NCAM2: variants seen among roughly 807,000 people sequenced by gnomAD.
NCAM2 encodes the protein neural cell adhesion molecule 2.
Under a neutral mutation model 98.1 loss-of-function variants are expected in NCAM2, and 30 were observed. That is an observed-to-expected ratio of 0.31 (90% CI 0.23 to 0.41). The LOEUF is 0.41. Ranked by LOEUF, NCAM2 falls within the 10% of genes least tolerant of loss-of-function variation. The probability of loss-of-function intolerance (pLI) is 1.00; values close to 1 mark genes in which losing one functional copy is unlikely to be tolerated. For missense variants in NCAM2, 867 were observed against 1,005.8 expected, an observed-to-expected ratio of 0.86 and a Z score of 1.87; for synonymous variants, 368 against 342.4, an observed-to-expected ratio of 1.07 and a Z score of -0.83.
At chr21:21,453,008 T>C (rs1366566947) in intron 12 of NCAM2, among the ~76,000 whole-genome samples, 2 of 102,584 alleles carry the variant, frequency 1.9e-5, no homozygotes, top group African/African-American at 7.9e-5. Context: ...TAATATATAA[T>C]ATATAAAAAT....
intron 12 of NCAM2, among the ~76,000 whole-genome samples, chr21:21,452,755 ATTAC>A (rs1227218966): frequency 9.3e-6 from 1 of 107,434 alleles, no homozygotes; most frequent in Non-Finnish European, 1.7e-5. Flanking sequence ...TATATAATAT[ATTAC>A]TTTATGTATT....
chr21:21,385,309 A>G (rs1308137903), intron 9 of NCAM2, among the ~76,000 whole-genome samples: 1 of 151,748 alleles, frequency 6.6e-6, no homozygotes, highest in Non-Finnish European at 1.5e-5. Context: ...TACTTTTGTT[A>G]TGCATCATGG....
chr21:21,366,960 C>CA (rs1207462457), intron 8 of NCAM2, among the ~76,000 whole-genome samples: 4 of 152,082 alleles, frequency 2.6e-5, no homozygotes, highest in South Asian at 2.1e-4. Context: ...ACAATGCAGT[C>CA]AATACTTACT....
intron 9 of NCAM2, among the ~76,000 whole-genome samples, chr21:21,388,221 C>G (rs1018757004): frequency 6.6e-6 from 1 of 152,146 alleles, no homozygotes; most frequent in African/African-American, 2.4e-5. Flanking sequence ...TGTGGCTAAG[C>G]CAAACATCAG....
Position 21,032,853 on chromosome 21 carries a change from A to G in NCAM2, c.55+34235A>G, listed in dbSNP as rs984594017. On this transcript the variant is annotated intron_variant, in intron 1 of 17. Coordinates refer to ENST00000400546, the MANE Select transcript of NCAM2 (RefSeq NM_004540.5). Reference sequence around the variant, plus strand: ...TCCCTCATTTTCATAAAATGTATTTAAAACTTTGTCTACATACTTTAGCAA... The same window carrying G: ...TCCCTCATTTTCATAAAATGTATTTGAAACTTTGTCTACATACTTTAGCAA... 9.8e-5 allele frequency among the ~76,000 whole-genome samples: 15 copies of G among 152,332 alleles called. 1 individual carries two copies. In the South Asian group the frequency reaches 2.9e-3, roughly 29 times the overall value.
At chr21:21,366,184 T>C (rs1713415236) in intron 8 of NCAM2, among the ~76,000 whole-genome samples, 1 of 152,040 alleles carries the variant, frequency 6.6e-6, no homozygotes. Flanking sequence ...CGTAAAAACA[T>C]ACTAAAGGAC....
intron 1 of NCAM2, among the ~76,000 whole-genome samples, chr21:21,258,900 A>G (rs1390322767): frequency 6.6e-6 from 1 of 152,050 alleles, no homozygotes; most frequent in Non-Finnish European, 1.5e-5. Context: ...AAGGAGAGAA[A>G]AGTACAGCTC....
At chr21:21,512,215 T>C (rs1988431168) in intron 16 of NCAM2, among the ~76,000 whole-genome samples, 1 of 152,054 alleles carries the variant, frequency 6.6e-6, no homozygotes. Flanking sequence ...TCTAGTACTT[T>C]CATAGATTTG....
chr21:21,130,736 T>TA (rs1454433157), intron 1 of NCAM2, among the ~76,000 whole-genome samples: 1 of 2,494 alleles, frequency 4.0e-4, no homozygotes, highest in Non-Finnish European at 5.8e-3. Flanking sequence ...AATTACCAAT[T>TA]TTTTTTTGGT....
intron 1 of NCAM2, among the ~76,000 whole-genome samples, chr21:21,120,276 C>T (rs1014494586): frequency 6.6e-6 from 1 of 152,042 alleles, no homozygotes; most frequent in Non-Finnish European, 1.5e-5. Context: ...GGAGTCCCAA[C>T]ATTTTCTTTA....
At chr21:21,521,823 A>G (rs1989032434) in intron 16 of NCAM2, among the ~76,000 whole-genome samples, 1 of 151,918 alleles carries the variant, frequency 6.6e-6, no homozygotes, top group South Asian at 2.1e-4. Flanking sequence ...ATATTAAAAA[A>G]CAAAGACAGG....
chr21:21,371,130 A>T (rs1237850704), intron 8 of NCAM2, among the ~76,000 whole-genome samples: 1 of 151,874 alleles, frequency 6.6e-6, no homozygotes, highest in Non-Finnish European at 1.5e-5. Flanking sequence ...TCCAGAGGAA[A>T]GAACATTATT....
intron 1 of NCAM2, among the ~76,000 whole-genome samples, chr21:21,175,432 C>T (rs1046812236): frequency 3.9e-5 from 6 of 152,132 alleles, no homozygotes; most frequent in Non-Finnish European, 7.3e-5. Context: ...ACTCAGGAGG[C>T]TGAGGCAGGA....
intron 1 of NCAM2, among the ~76,000 whole-genome samples, chr21:21,138,649 A>G (rs1360777367): frequency 1.3e-5 from 2 of 152,166 alleles, no homozygotes; most frequent in Non-Finnish European, 2.9e-5. Flanking sequence ...ATATACCTCC[A>G]TTATGCTCTA....
At chr21:21,345,684 A>G (rs2147912760) in intron 8 of NCAM2, among the ~76,000 whole-genome samples, 1 of 152,272 alleles carries the variant, frequency 6.6e-6, no homozygotes, top group South Asian at 2.1e-4. Flanking sequence ...AGAAAGAGAT[A>G]GGTGTAGAAA....
At chr21:21,257,605 C>T (rs753066381) in intron 1 of NCAM2, among the ~76,000 whole-genome samples, 1 of 152,056 alleles carries the variant, frequency 6.6e-6, no homozygotes, top group Non-Finnish European at 1.5e-5. Flanking sequence ...TTTTTCCTCT[C>T]TCTCTTTTGA....
chr21:21,280,536 C>T (rs565959677), intron 1 of NCAM2, 42 bp from the exon 2 acceptor site: 45 of 1,378,342 alleles, frequency 3.3e-5, no homozygotes, highest in Middle Eastern at 3.5e-4. Flanking sequence ...TTAGAAATCA[C>T]GCTTAAAAAT....
intron 17 of NCAM2, among the ~76,000 whole-genome samples, chr21:21,536,407 TCC>T (rs758474358): frequency 1.3e-4 from 19 of 147,262 alleles, no homozygotes; most frequent in Non-Finnish European, 2.2e-4. Context: ...TTTTTTTTTT[TCC>T]GAGACTAGTT....
At chr21:21,444,133 G>A (rs1429041475) in intron 12 of NCAM2, among the ~76,000 whole-genome samples, 3 of 152,100 alleles carry the variant, frequency 2.0e-5, no homozygotes, top group Admixed American at 1.3e-4. Context: ...GATGGATTAC[G>A]TTTATTGATT....
Sources: gnomAD v4.1 joint callset for allele counts (sites outside exome capture counted in the v4.1 genomes callset) on GRCh38, gnomAD v4.1.1 for gene constraint, MANE v1.5 for transcripts, NCBI Gene and HGNC (gene_info 2026-07-23, HGNC 2026-07-21) for gene names.